LAMA2: variants seen among roughly 807,000 people sequenced by gnomAD.
LAMA2 encodes laminin subunit alpha-2.
Under a neutral mutation model 364.8 loss-of-function variants are expected in LAMA2, and 269 were observed. The ratio of observed to expected loss-of-function variants is 0.74; its 90% CI spans 0.67 to 0.82. The LOEUF is 0.82. Ranked by LOEUF, LAMA2 falls within the 40% of genes least tolerant of loss-of-function variation. The pLI, the probability that LAMA2 is intolerant of heterozygous loss-of-function variation, is 0.00. For synonymous variants in LAMA2, 1,379 were observed against 1,370.6 expected, an observed-to-expected ratio of 1.01 and a Z score of -0.14; for missense variants, 3,807 against 3,873.2, an observed-to-expected ratio of 0.98 and a Z score of 0.45.
chr6:129,502,770 C>T lies in LAMA2; in HGVS notation c.8356C>T (p.Arg2786Cys), dbSNP rs199806512. 64 of 1,586,546 alleles carry T rather than the reference C, an allele frequency of 4.0e-5. No homozygotes were observed. Among genetic ancestry groups the T allele is most frequent in the Middle Eastern group, 1.7e-4 (1 of 6,040 alleles). Reference protein sequence around the residue: ...IAFDDTKVKNRLTIELEVRTE... With the variant: ...IAFDDTKVKNCLTIELEVRTE... Reference sequence around the variant, plus strand: ...ATTTGATGACACCAAAGTTAAAAACCGGTATGTATCATCCTGAGACACTGG... The same window carrying T: ...ATTTGATGACACCAAAGTTAAAAACTGGTATGTATCATCCTGAGACACTGG... Residue 2786 changes from arginine (R) to cysteine (C), a missense_variant and splice_region_variant, in exon 59 of 65, where the codon CGT becomes TGT. Physicochemically the swap from Arg to Cys is radical, Grantham distance 180. Around this residue, in one of 3 missense-constraint regions of LAMA2, gnomAD observed 3,333 missense variants for 3,345.7 expected, o/e 1.00. Coordinates refer to ENST00000421865, the MANE Select transcript of LAMA2 (RefSeq NM_000426.4).
At chr6:129,330,455 G>A (rs1775562676) in intron 29 of LAMA2, among the ~76,000 whole-genome samples, 1 of 151,630 alleles carries the variant, frequency 6.6e-6, no homozygotes, top group Non-Finnish European at 1.5e-5. Flanking sequence ...CTGTCTAATT[G>A]TCATTTTCCC....
intron 1 of LAMA2, among the ~76,000 whole-genome samples, chr6:129,027,815 A>G (rs1413311786): frequency 6.6e-6 from 1 of 151,910 alleles, no homozygotes; most frequent in Non-Finnish European, 1.5e-5. Context: ...AGAGCATGGG[A>G]TTTTAATTGA....
chr6:129,336,257 A>G (rs1019532377), intron 29 of LAMA2, among the ~76,000 whole-genome samples: 1 of 152,184 alleles, frequency 6.6e-6, no homozygotes, highest in Non-Finnish European at 1.5e-5. Flanking sequence ...CGAGACCAGC[A>G]TGGTCAACAA....
At chr6:129,195,741 T>C (rs371917155) in intron 12 of LAMA2, among the ~76,000 whole-genome samples, 17 of 152,310 alleles carry the variant, frequency 1.1e-4, no homozygotes, top group East Asian at 9.7e-4. Context: ...TTTTAGGGCA[T>C]TTGTTTAAGC....
intron 1 of LAMA2, among the ~76,000 whole-genome samples, chr6:128,886,892 C>T (rs956783086): frequency 6.6e-5 from 10 of 152,138 alleles, no homozygotes; most frequent in African/African-American, 2.4e-4. Context: ...GTGAGGGATG[C>T]TTTATGAGGG....
rs573153198 is a variant in LAMA2 at position 129,438,785 on chromosome 6, A to G, written c.6085+23A>G. On this transcript the variant is annotated intron_variant, in intron 42 of 64. Transcript: ENST00000421865. ...ATGGTAAGCATTCAGGACACTACCAACTGTGTCAGTTGACCTGAAGTTTTG... is the reference window on the plus strand; with the variant it reads ...ATGGTAAGCATTCAGGACACTACCAGCTGTGTCAGTTGACCTGAAGTTTTG... 8.5e-6 allele frequency: 10 copies of G among 1,173,902 alleles called. No individual in the cohort carries two copies. The East Asian group carries it at 1.2e-4, about 14-fold the overall frequency. The allele number at this position is 1,173,902 out of a possible 1,614,324, so 72.7% of individuals were successfully genotyped here. A position where few individuals can be genotyped will look rare whatever the true frequency, so the allele number is the denominator to read the frequency against.
intron 60 of LAMA2, among the ~76,000 whole-genome samples, chr6:129,504,944 G>A (rs997305119): frequency 2.6e-5 from 4 of 152,276 alleles, no homozygotes; most frequent in African/African-American, 9.6e-5. Flanking sequence ...GCAATCTACC[G>A]AGGAGACTTC....
chr6:129,037,554 T>C (rs1786727964), intron 1 of LAMA2, among the ~76,000 whole-genome samples: 1 of 152,178 alleles, frequency 6.6e-6, no homozygotes. Flanking sequence ...CACATGTGTG[T>C]GTATGTGTGT....
At chr6:129,117,496 TCA>T (rs1276568081) in intron 4 of LAMA2, among the ~76,000 whole-genome samples, 1 of 152,228 alleles carries the variant, frequency 6.6e-6, no homozygotes, top group Non-Finnish European at 1.5e-5. Flanking sequence ...AGGCAAATTC[TCA>T]GAGTTAAATT....
chr6:129,184,601 GT>G (rs981264652), intron 10 of LAMA2, among the ~76,000 whole-genome samples: 17 of 151,850 alleles, frequency 1.1e-4, no homozygotes, highest in African/African-American at 4.1e-4. Context: ...TGTTAATTTG[GT>G]TTAGCAAGAA....
At chr6:129,390,311 C>T (rs2114669649) in intron 35 of LAMA2, among the ~76,000 whole-genome samples, 1 of 152,074 alleles carries the variant, frequency 6.6e-6, no homozygotes, top group Non-Finnish European at 1.5e-5. Flanking sequence ...GGTGATGCTG[C>T]TGCTGCTTAT....
At chr6:129,044,659 A>T (rs1562183283) in intron 1 of LAMA2, among the ~76,000 whole-genome samples, 1 of 151,812 alleles carries the variant, frequency 6.6e-6, no homozygotes, top group Non-Finnish European at 1.5e-5. Flanking sequence ...ATATTGTTTG[A>T]TTTTTGTTCA....
intron 31 of LAMA2, 58 bp from the exon 32 acceptor site, chr6:129,353,106 C>T: frequency 1.5e-6 from 2 of 1,355,284 alleles, no homozygotes; most frequent in Non-Finnish European, 2.1e-6. Context: ...CCACACACAA[C>T]AATGTGGAGA....
At position 129,430,883 on chromosome 6, in the gene LAMA2, T is replaced by A. The variant is rs180735611; in HGVS notation, c.5968+3029T>A. Among the ~76,000 whole-genome samples, 920 of 152,008 alleles carry A rather than the reference T, an allele frequency of 6.1e-3. 8 individuals are homozygous for A. Among genetic ancestry groups the A allele is most frequent in the African/African-American group, 0.02 (821 of 41,494 alleles). ...AATTAATAATAAAAATTTAAAATAA[T>A]TTTTTTCAGTAAAATGCCAACTTCA... On this transcript the variant is annotated intron_variant, in intron 41 of 64. Coordinates refer to ENST00000421865, the MANE Select transcript of LAMA2 (RefSeq NM_000426.4).
chr6:129,036,531 A>G (rs1328290987), intron 1 of LAMA2, among the ~76,000 whole-genome samples: 1 of 152,170 alleles, frequency 6.6e-6, no homozygotes, highest in Admixed American at 6.5e-5. Flanking sequence ...TTTGGTTACA[A>G]TAAAAATACT....
chr6:129,018,207 CAA>C (rs1274795612), intron 1 of LAMA2, among the ~76,000 whole-genome samples: 1 of 151,442 alleles, frequency 6.6e-6, no homozygotes, highest in Non-Finnish European at 1.5e-5. Context: ...TTTTAGGAAA[CAA>C]AAGAAGTATT....
chr6:129,440,699 T>C (rs1782061734), intron 42 of LAMA2, 117 bp from the exon 43 acceptor site: 1 of 911,010 alleles, frequency 1.1e-6, no homozygotes, highest in African/African-American at 1.6e-5. Flanking sequence ...AGTTCAGCCT[T>C]TTCCCTTTGT....
intron 1 of LAMA2, among the ~76,000 whole-genome samples, chr6:128,916,909 A>C (rs1051813480): frequency 6.6e-6 from 1 of 152,152 alleles, no homozygotes; most frequent in Non-Finnish European, 1.5e-5. Flanking sequence ...GTAAGATTGG[A>C]TCTGATGGGA....
chr6:129,315,937 T>C lies in LAMA2; in HGVS notation c.3911T>C (p.Ile1304Thr). 1.2e-6 allele frequency: 2 copies of C among 1,614,078 alleles called. No homozygotes were observed. Among genetic ancestry groups the C allele is most frequent in the Non-Finnish European group, 1.7e-6 (2 of 1,180,006 alleles). Residue 1304 changes from isoleucine to threonine, a missense_variant, in exon 26 of 65, where the codon ATT becomes ACT. Physicochemically the swap from Ile to Thr is moderately conservative, Grantham distance 89. Transcript: ENST00000421865. The part of the protein sequence containing the change: ...PLIGQLTRHE[I>T]EMTEKEWKYY... Reference sequence around the variant, plus strand: ...ATTGGCCAATTGACAAGGCATGAAATTGAAATGACAGAGGTAAAGTTAGTC... The same window carrying C: ...ATTGGCCAATTGACAAGGCATGAAACTGAAATGACAGAGGTAAAGTTAGTC...
Sources: allele counts gnomAD v4.1 joint callset (sites outside exome capture counted in the v4.1 genomes callset), GRCh38; gene constraint gnomAD v4.1.1; regional missense constraint gnomAD v4.1.1; transcripts MANE v1.5; gene names NCBI Gene and HGNC (gene_info 2026-07-23, HGNC 2026-07-21).